Variants in CCDC170 observed in about 807,000 individuals in gnomAD.
The protein encoded by CCDC170 is coiled-coil domain containing 170.
CCDC170 carries 69 observed loss-of-function variants against 72.6 expected under a neutral mutation model. The ratio of observed to expected loss-of-function variants is 0.95; its 90% confidence interval spans 0.78 to 1.16. CCDC170 has a LOEUF of 1.16. Among genes scored for constraint, CCDC170 ranks in the 50% most tolerant of loss-of-function variants. The pLI is 0.00. For missense variants in CCDC170, 852 were observed against 832.5 expected (o/e 1.02, Z -0.29); for synonymous variants, 300 against 303.9 (o/e 0.99, Z 0.13).
Position 151,538,275 on chromosome 6 carries a change from AG to A in CCDC170, c.418del (p.Val140LeufsTer2). 1 of 1,613,592 alleles carries A rather than the reference AG, an allele frequency of 6.2e-7. No homozygotes were observed. The highest frequency in any genetic ancestry group is 8.5e-7 in the Non-Finnish European group (1 of 1,179,838). On this transcript the variant is annotated frameshift_variant, in exon 3 of 11. Coordinates refer to ENST00000239374, the MANE Select transcript of CCDC170 (RefSeq NM_025059.4). LOFTEE classifies it high-confidence loss of function. Reference sequence around the variant, plus strand: ...AGGAGAACCAGGAATTAAAGAAGAAAGTTGTAGAGTTAAATGAAAAATTACA... The same window carrying A: ...AGGAGAACCAGGAATTAAAGAAGAAATTGTAGAGTTAAATGAAAAATTACA... ...IKENQELKKK[V>X]VELNEKLQKC... is the part of the protein sequence containing the mutation.
chr6:151,566,787 A>G (rs1039181403), intron 5 of CCDC170, among the ~76,000 whole-genome samples: 1 of 152,206 alleles, frequency 6.6e-6, no homozygotes, highest in Non-Finnish European at 1.5e-5. Context: ...TTTAAGTTCT[A>G]CATACACACT....
chr6:151,512,934 A>G (rs2115026970), intron 1 of CCDC170, among the ~76,000 whole-genome samples: 1 of 152,314 alleles, frequency 6.6e-6, no homozygotes, highest in African/African-American at 2.4e-5. Context: ...AAAGTCATGA[A>G]CCTATGGTAC....
chr6:151,540,655 G>A lies in CCDC170; in HGVS notation c.443+2354G>A, dbSNP rs541197007. Among the ~76,000 whole-genome samples the A allele has an allele frequency of 3.9e-5, 6 of 152,006 alleles. No homozygotes were observed. The East Asian group carries it at 1.2e-3, about 29-fold the overall frequency. ...GTCTGCCTCAGCCTCCCAAAGGGCT[G>A]GGATTATAGGGATAAGCCACCACAC... On this transcript the variant is annotated intron_variant, in intron 3 of 10. Transcript: ENST00000239374.
intron 7 of CCDC170, among the ~76,000 whole-genome samples, chr6:151,591,585 C>T (rs1776535757): frequency 6.6e-6 from 1 of 152,010 alleles, no homozygotes; most frequent in African/African-American, 2.4e-5. Flanking sequence ...AGCTCCGCCT[C>T]CCAGGTTCAC....
intron 1 of CCDC170, among the ~76,000 whole-genome samples, chr6:151,502,678 C>T (rs1482061): frequency 0.049 from 7,457 of 152,232 alleles, 358 homozygotes; most frequent in East Asian, 0.21. Context: ...AAAATGAAAA[C>T]TCAGGAGGAA....
chr6:151,510,352 T>C (rs907177309), intron 1 of CCDC170, among the ~76,000 whole-genome samples: 15 of 152,212 alleles, frequency 9.9e-5, no homozygotes, highest in African/African-American at 3.6e-4. Flanking sequence ...TTCACACTTA[T>C]GCTAATTCTA....
chr6:151,502,951 C>T (rs1017587272), intron 1 of CCDC170, among the ~76,000 whole-genome samples: 3 of 152,150 alleles, frequency 2.0e-5, no homozygotes, highest in East Asian at 1.9e-4. Flanking sequence ...GGGAGGATCA[C>T]GAGGTCAAGA....
chr6:151,520,188 T>C (rs1309358780), intron 1 of CCDC170, among the ~76,000 whole-genome samples: 1 of 152,206 alleles, frequency 6.6e-6, no homozygotes, highest in African/African-American at 2.4e-5. Flanking sequence ...GAGGAAGACA[T>C]TGATTACTTA....
At chr6:151,530,922 T>G (rs1782482886) in intron 1 of CCDC170, among the ~76,000 whole-genome samples, 1 of 152,206 alleles carries the variant, frequency 6.6e-6, no homozygotes, top group Non-Finnish European at 1.5e-5. Flanking sequence ...GTTTTCTTAC[T>G]GGTGTGAATA....
chr6:151,542,099 C>T (rs948379946), intron 3 of CCDC170, among the ~76,000 whole-genome samples: 15 of 151,602 alleles, frequency 9.9e-5, no homozygotes, highest in Non-Finnish European at 1.3e-4. Flanking sequence ...AGACTGGTCT[C>T]GAGCTCCTGA....
chr6:151,609,789 C>A (rs1000880734), intron 9 of CCDC170, among the ~76,000 whole-genome samples: 1 of 152,208 alleles, frequency 6.6e-6, no homozygotes, highest in Admixed American at 6.5e-5. Context: ...CTGTTCTGCC[C>A]TGGTGGCTTG....
At position 151,615,471 on chromosome 6, in the gene CCDC170, T is replaced by C; in HGVS notation, c.1739T>C (p.Ile580Thr). 6.2e-7 allele frequency: 1 copy of C among 1,613,916 alleles called. No homozygotes were observed. Among genetic ancestry groups the C allele is most frequent in the Non-Finnish European group, 8.5e-7 (1 of 1,179,848 alleles). The change falls in exon 10 of 11, where the codon ATT becomes ACT. Residue 580 changes from isoleucine (I) to threonine (T), a missense_variant. Physicochemically the swap from Ile to Thr is moderately conservative, Grantham distance 89. Coordinates refer to ENST00000239374, the MANE Select transcript of CCDC170 (RefSeq NM_025059.4). ...AAAACTTTGGAACAGACTAAAGCCATTGAAGATCTAAACAAATCCAGAGAC... is the reference window on the plus strand; with the variant it reads ...AAAACTTTGGAACAGACTAAAGCCACTGAAGATCTAAACAAATCCAGAGAC... ...KIKTLEQTKA[I>T]EDLNKSRDQL...
chr6:151,509,222 G>A (rs60800553), intron 1 of CCDC170, among the ~76,000 whole-genome samples: 1 of 127,422 alleles, frequency 7.8e-6, no homozygotes, highest in South Asian at 2.4e-4. Context: ...ATCTATCTAT[G>A]TATCTATCTA....
At chr6:151,557,158 C>T (rs917032976) in intron 5 of CCDC170, among the ~76,000 whole-genome samples, 1 of 152,100 alleles carries the variant, frequency 6.6e-6, no homozygotes, top group African/African-American at 2.4e-5. Context: ...CCTGTAATCC[C>T]AGCACTTTGG....
chr6:151,577,351 G>A (rs775858656), intron 6 of CCDC170, among the ~76,000 whole-genome samples: 1 of 152,124 alleles, frequency 6.6e-6, no homozygotes, highest in African/African-American at 2.4e-5. Flanking sequence ...TTAGAGGAAT[G>A]TTCTACTGCC....
Position 151,618,105 on chromosome 6 carries a change from G to C in CCDC170, c.2106G>C (p.Gly702=). The C allele has an allele frequency of 6.2e-7, 1 of 1,614,106 alleles. No homozygotes were observed. The highest frequency in any genetic ancestry group is 8.5e-7 in the Non-Finnish European group (1 of 1,180,026). Residue 702 remains glycine (G), a synonymous_variant, in exon 11 of 11, where the codon GGG becomes GGC. Transcript: ENST00000239374. ...TCACLKDVTT[G]QERHPQGHLQ... is the part of the protein sequence containing the mutation. ...CCTGCCTCAAAGATGTGACTACTGG[G>C]CAAGAGAGGCACCCACAAGGCCATT... is the stretch of plus-strand genomic sequence containing the variant.
At chr6:151,589,890 A>T (rs942439716) in intron 7 of CCDC170, among the ~76,000 whole-genome samples, 18 of 152,154 alleles carry the variant, frequency 1.2e-4, no homozygotes, top group Admixed American at 6.5e-4. Flanking sequence ...GGGCAAACTC[A>T]GAAGCCTTCT....
Position 151,590,977 on chromosome 6 carries a change from G to A in CCDC170, c.1294-2130G>A, listed in dbSNP as rs371872618. On this transcript the variant is annotated intron_variant, in intron 7 of 10. Coordinates refer to ENST00000239374, the MANE Select transcript of CCDC170 (RefSeq NM_025059.4). ...CATTAAACAGTGATAACCTGAGGATGTAGAGACAAAAGCAGTTTATGGTAT... is the reference window on the plus strand; with the variant it reads ...CATTAAACAGTGATAACCTGAGGATATAGAGACAAAAGCAGTTTATGGTAT... Among the ~76,000 whole-genome samples the A allele has an allele frequency of 2.6e-5, 4 of 152,200 alleles. No individual in the cohort carries two copies. In the East Asian group the frequency reaches 7.7e-4, roughly 29 times the overall value.
At chr6:151,599,966 T>G (rs1210839114) in intron 9 of CCDC170, among the ~76,000 whole-genome samples, 1 of 152,208 alleles carries the variant, frequency 6.6e-6, no homozygotes, top group Non-Finnish European at 1.5e-5. Flanking sequence ...CAGATCCACA[T>G]ACTTTTACAG....
Sources: gnomAD v4.1 joint callset for allele counts (sites outside exome capture counted in the v4.1 genomes callset) on GRCh38, gnomAD v4.1.1 for gene constraint, MANE v1.5 for transcripts, NCBI Gene and HGNC (gene_info 2026-07-23, HGNC 2026-07-21) for gene names.